Variants in FMNL2 observed in about 807,000 individuals in gnomAD.
The protein encoded by FMNL2 is formin-like protein 2.
FMNL2 carries 51 observed loss-of-function variants against 130.2 expected under a neutral mutation model. That is an observed-to-expected ratio of 0.39 (90% CI 0.31 to 0.49). The LOEUF is 0.49. Ranked by LOEUF, FMNL2 falls within the 20% of genes least tolerant of loss-of-function variation. FMNL2 has a pLI of 0.85. For synonymous variants in FMNL2, 465 were observed against 467.1 expected (o/e 1.00, Z 0.06); for missense variants, 977 against 1,316.2 (o/e 0.74, Z 3.99).
rs1483415055 is a variant in FMNL2 at position 152,575,135 on chromosome 2, G to A, written c.597-1G>A. ...ATAGAAGTTTCTCTTTTTGTTTGTA[G>A]ATATAATACATTGCCAAGCAGAAGA... On this transcript the variant is annotated splice_acceptor_variant, in intron 6 of 25. Transcript: ENST00000288670. LOFTEE classifies it high-confidence loss of function. The A allele has an allele frequency of 6.4e-7, 1 of 1,572,950 alleles. No individual in the cohort carries two copies. Among genetic ancestry groups the A allele is most frequent in the Non-Finnish European group, 8.7e-7 (1 of 1,151,376 alleles).
chr2:152,431,852 T>C (rs979098765), intron 1 of FMNL2, among the ~76,000 whole-genome samples: 1 of 150,808 alleles, frequency 6.6e-6, no homozygotes, highest in Admixed American at 6.6e-5. Flanking sequence ...TAGTCCCAGC[T>C]TCTTGGGAGG....
intron 1 of FMNL2, among the ~76,000 whole-genome samples, chr2:152,486,990 C>T (rs1270766797): frequency 6.6e-6 from 1 of 152,144 alleles, no homozygotes; most frequent in African/African-American, 2.4e-5. Flanking sequence ...ATTTAATAGG[C>T]AGTTGGGTTG....
chr2:152,634,250 T>C lies in FMNL2; in HGVS notation c.2680+2113T>C, dbSNP rs1014725526. Among the ~76,000 whole-genome samples the C allele has an allele frequency of 5.9e-5, 9 of 152,210 alleles. No homozygotes were observed. The East Asian group carries it at 1.2e-3, about 20-fold the overall frequency. On this transcript the variant is annotated intron_variant, in intron 21 of 25. Transcript: ENST00000288670. ...GAGTTTGAGACCAGCGTGGCCAACA[T>C]AGCGAAACCCTGTCTCTACTAAAAA...
intron 23 of FMNL2, 111 bp downstream of exon 23, chr2:152,637,785 C>A: frequency 1.1e-6 from 1 of 920,904 alleles, no homozygotes; most frequent in Non-Finnish European, 1.7e-6. Flanking sequence ...GACAGCAGAT[C>A]TGGGTGGCAT....
At chr2:152,581,076 A>G (rs752464094) in intron 9 of FMNL2, 27 bp downstream of exon 9, 1 of 1,580,586 alleles carries the variant, frequency 6.3e-7, no homozygotes, top group South Asian at 1.1e-5. Context: ...TTTTCATAAG[A>G]ATACTCACAC....
At chr2:152,520,764 C>T (rs1179499308) in intron 1 of FMNL2, among the ~76,000 whole-genome samples, 1 of 152,070 alleles carries the variant, frequency 6.6e-6, no homozygotes, top group Non-Finnish European at 1.5e-5. Flanking sequence ...GGTTGATTTT[C>T]TATCATTAAG....
At chr2:152,445,051 T>C in intron 1 of FMNL2, among the ~76,000 whole-genome samples, 1 of 152,248 alleles carries the variant, frequency 6.6e-6, no homozygotes, top group Non-Finnish European at 1.5e-5. Context: ...ATGGAAAGCA[T>C]CTGCCCAGGA....
chr2:152,597,258 T>C lies in FMNL2; in HGVS notation c.877-10081T>C, dbSNP rs79842321. ...TAAATTAAAAGGTGCACTTTGTTCA[T>C]TTTCAAGAAAATACCTGCCAAGTGC... On this transcript the variant is annotated intron_variant, in intron 9 of 25. Transcript: ENST00000288670. Among the ~76,000 whole-genome samples, 3 of 152,344 alleles carry C rather than the reference T, an allele frequency of 2.0e-5. 1 individual carries two copies. The South Asian group carries it at 6.2e-4, about 32-fold the overall frequency.
At chr2:152,456,853 G>A (rs1166219401) in intron 1 of FMNL2, among the ~76,000 whole-genome samples, 1 of 150,328 alleles carries the variant, frequency 6.7e-6, no homozygotes, top group African/African-American at 2.5e-5. Context: ...CAGGAGAATC[G>A]CTTGAACTTG....
intron 9 of FMNL2, among the ~76,000 whole-genome samples, chr2:152,600,211 C>T (rs910146028): frequency 2.0e-5 from 3 of 152,134 alleles, no homozygotes; most frequent in Non-Finnish European, 4.4e-5. Context: ...TAGAGTGTGC[C>T]TCTAAAACGG....
At chr2:152,357,643 T>A (rs1261048423) in intron 1 of FMNL2, among the ~76,000 whole-genome samples, 2 of 149,372 alleles carry the variant, frequency 1.3e-5, no homozygotes, top group African/African-American at 4.9e-5. Flanking sequence ...ATCAGTTTAA[T>A]GTATAACGAT....
intron 1 of FMNL2, among the ~76,000 whole-genome samples, chr2:152,499,715 C>A (rs1232881123): frequency 2.0e-5 from 3 of 152,278 alleles, no homozygotes; most frequent in African/African-American, 7.2e-5. Context: ...GCAGGCTCAA[C>A]CATCAGCCTT....
intron 1 of FMNL2, among the ~76,000 whole-genome samples, chr2:152,417,128 C>T (rs577773815): frequency 1.1e-4 from 16 of 152,284 alleles, no homozygotes; most frequent in Admixed American, 8.5e-4. Flanking sequence ...TTAGGGAACA[C>T]GAAATTACCT....
intron 1 of FMNL2, among the ~76,000 whole-genome samples, chr2:152,366,487 C>CAAAA (rs555583991): frequency 3.6e-5 from 5 of 139,094 alleles, no homozygotes; most frequent in African/African-American, 1.4e-4. Flanking sequence ...ACAACAACAA[C>CAAAA]AAAAAGAATG....
intron 1 of FMNL2, among the ~76,000 whole-genome samples, chr2:152,353,151 G>T (rs544300491): frequency 1.3e-5 from 2 of 152,204 alleles, no homozygotes; most frequent in African/African-American, 4.8e-5. Context: ...ATATTTAAAG[G>T]CATTTATCAT....
At chr2:152,443,568 C>T (rs889513351) in intron 1 of FMNL2, among the ~76,000 whole-genome samples, 8 of 152,010 alleles carry the variant, frequency 5.3e-5, no homozygotes, top group African/African-American at 9.7e-5. Context: ...TAGAGCTGGG[C>T]GTGGTGGCTC....
At chr2:152,533,043 T>C (rs558870958) in intron 2 of FMNL2, among the ~76,000 whole-genome samples, 14 of 152,378 alleles carry the variant, frequency 9.2e-5, no homozygotes, top group African/African-American at 3.1e-4. Flanking sequence ...CTTTTTAGTA[T>C]TTATAATAGT....
At chr2:152,405,846 T>C (rs1484447431) in intron 1 of FMNL2, among the ~76,000 whole-genome samples, 3 of 152,262 alleles carry the variant, frequency 2.0e-5, no homozygotes, top group Admixed American at 6.5e-5. Flanking sequence ...TTGGAAGTTC[T>C]ATCTATGCAG....
At chr2:152,370,746 T>C (rs1408769714) in intron 1 of FMNL2, among the ~76,000 whole-genome samples, 4 of 152,182 alleles carry the variant, frequency 2.6e-5, no homozygotes, top group African/African-American at 9.7e-5. Flanking sequence ...TTCCTGAGGA[T>C]TGAGTTCATC....
Sources: allele counts gnomAD v4.1 joint callset (sites outside exome capture counted in the v4.1 genomes callset), GRCh38; gene constraint gnomAD v4.1.1; transcripts MANE v1.5; gene names NCBI Gene and HGNC (gene_info 2026-07-23, HGNC 2026-07-21).